Variants in RPIA observed in about 807,000 individuals in gnomAD.
The protein encoded by RPIA is ribose 5-phosphate isomerase A.
Under a neutral mutation model 37.8 loss-of-function variants are expected in RPIA, and 29 were observed. That is an observed-to-expected ratio of 0.77 (90% CI 0.57 to 1.05). The LOEUF (loss-of-function observed/expected upper bound fraction) is 1.05, where lower values mean the gene tolerates loss of function less well. Ranked by LOEUF, RPIA falls within the 50% of genes least tolerant of loss-of-function variation. RPIA has a pLI of 0.00. For missense variants in RPIA, 385 were observed against 413.6 expected (o/e 0.93, Z 0.60); for synonymous variants, 167 against 157.0 (o/e 1.06, Z -0.48).
At chr2:88,699,000 C>T (rs369168492) in intron 2 of RPIA, among the ~76,000 whole-genome samples, 33 of 152,310 alleles carry the variant, frequency 2.2e-4, no homozygotes, top group African/African-American at 7.7e-4. Flanking sequence ...ATTAGGGTGT[C>T]TCTATGCTTA....
chr2:88,713,700 T>C (rs1201910545), intron 3 of RPIA, among the ~76,000 whole-genome samples: 1 of 151,762 alleles, frequency 6.6e-6, no homozygotes. Flanking sequence ...CTTCCCTCTG[T>C]TTTTTCTGGT....
intron 8 of RPIA, among the ~76,000 whole-genome samples, chr2:88,746,843 G>A (rs1673443329): frequency 6.6e-6 from 1 of 152,194 alleles, no homozygotes; most frequent in Non-Finnish European, 1.5e-5. Flanking sequence ...TTGGAGCAGG[G>A]TTGTTCTGTT....
intron 3 of RPIA, among the ~76,000 whole-genome samples, chr2:88,721,544 TACACACACACACACAC>T (rs748522109): frequency 1.2e-5 from 1 of 82,932 alleles, no homozygotes; most frequent in Non-Finnish European, 2.3e-5. Flanking sequence ...ATATATATTA[TACACACACACACACAC>T]ACACACACAC....
intron 8 of RPIA, among the ~76,000 whole-genome samples, chr2:88,742,084 T>A (rs190525798): frequency 2.6e-5 from 4 of 152,342 alleles, no homozygotes; most frequent in Admixed American, 1.3e-4. Flanking sequence ...TATCTTTGTT[T>A]TTGTTCCATT....
At chr2:88,696,414 A>G (rs976641652) in intron 1 of RPIA, among the ~76,000 whole-genome samples, 1 of 151,882 alleles carries the variant, frequency 6.6e-6, no homozygotes, top group African/African-American at 2.4e-5. Flanking sequence ...GCATGGTGGC[A>G]TGTTCCCATA....
intron 8 of RPIA, among the ~76,000 whole-genome samples, chr2:88,745,253 G>C (rs540390265): frequency 5.1e-4 from 78 of 152,284 alleles, no homozygotes; most frequent in African/African-American, 1.8e-3. Context: ...CTTTTAAGTA[G>C]AGCATTTAGG....
intron 4 of RPIA, among the ~76,000 whole-genome samples, chr2:88,734,214 A>G (rs1673287069): frequency 6.6e-6 from 1 of 152,046 alleles, no homozygotes; most frequent in South Asian, 2.1e-4. Context: ...ACCAAAAACT[A>G]ATTTTTGCCT....
intron 3 of RPIA, among the ~76,000 whole-genome samples, chr2:88,701,030 C>T (rs1404656202): frequency 6.6e-6 from 1 of 152,152 alleles, no homozygotes; most frequent in Non-Finnish European, 1.5e-5. Context: ...TGGCAGCCTG[C>T]AACCAGCTCT....
At chr2:88,706,755 A>G (rs532106028) in intron 3 of RPIA, among the ~76,000 whole-genome samples, 2 of 152,290 alleles carry the variant, frequency 1.3e-5, no homozygotes, top group Non-Finnish European at 2.9e-5. Context: ...AGGATTCCAA[A>G]CATTTTGGGG....
chr2:88,739,921 T>C (rs1673362763), intron 8 of RPIA, among the ~76,000 whole-genome samples: 1 of 152,172 alleles, frequency 6.6e-6, no homozygotes, highest in Admixed American at 6.5e-5. Context: ...AATTCTACTT[T>C]AGTTTGTTAT....
intron 1 of RPIA, among the ~76,000 whole-genome samples, chr2:88,697,074 A>G (rs1331229483): frequency 6.6e-6 from 1 of 152,252 alleles, no homozygotes; most frequent in African/African-American, 2.4e-5. Context: ...CATTTCAATG[A>G]ACAAAACTTA....
intron 8 of RPIA, among the ~76,000 whole-genome samples, chr2:88,746,152 A>G (rs1019954923): frequency 6.6e-6 from 1 of 151,800 alleles, no homozygotes; most frequent in Non-Finnish European, 1.5e-5. Flanking sequence ...TTTCTTTATG[A>G]TATCTGTTTC....
chr2:88,703,282 TAGAG>T (rs1331540742), intron 3 of RPIA, among the ~76,000 whole-genome samples: 1 of 152,198 alleles, frequency 6.6e-6, no homozygotes, highest in Non-Finnish European at 1.5e-5. Context: ...AGTGCCCCAG[TAGAG>T]ACTCTGTGCA....
chr2:88,736,436 C>CCTT lies in RPIA; in HGVS notation c.597-97_597-95dup, dbSNP rs1253279212. The CCTT allele has an allele frequency of 3.8e-6, 5 of 1,320,172 alleles. No individual in the cohort carries two copies. In the Admixed American group the frequency reaches 9.0e-5, roughly 24 times the overall value. 81.8% of individuals were successfully genotyped at this position (1,320,172 alleles called of 1,614,324 possible). On this transcript the variant is annotated intron_variant, in intron 6 of 8. Transcript: ENST00000283646. ...ATATTGCCCTTGATCACTTTCCTTG[C>CCTT]CTTCCCACCATCTCATTAACCCTGT... is the stretch of plus-strand genomic sequence containing the variant.
At chr2:88,737,101 G>C (rs1351518340) in intron 7 of RPIA, among the ~76,000 whole-genome samples, 1 of 152,166 alleles carries the variant, frequency 6.6e-6, no homozygotes, top group African/African-American at 2.4e-5. Flanking sequence ...GTGGTTAAAT[G>C]TGACAAGAAG....
chr2:88,729,046 C>T (rs140700335), intron 3 of RPIA, among the ~76,000 whole-genome samples: 6 of 152,318 alleles, frequency 3.9e-5, no homozygotes, highest in South Asian at 4.1e-4. Context: ...CTCTTAGCTT[C>T]GCATTGGAAC....
chr2:88,745,980 G>T (rs1324325144), intron 8 of RPIA, among the ~76,000 whole-genome samples: 2 of 151,788 alleles, frequency 1.3e-5, no homozygotes, highest in African/African-American at 4.8e-5. Context: ...TCATTTTTTT[G>T]ATTCTTTTTT....
intron 3 of RPIA, among the ~76,000 whole-genome samples, chr2:88,712,970 G>C (rs1672977596): frequency 6.6e-6 from 1 of 151,614 alleles, no homozygotes; most frequent in African/African-American, 2.4e-5. Context: ...CCGTGTTCAA[G>C]TGATTCTCCT....
chr2:88,726,036 C>G (rs541110879), intron 3 of RPIA, among the ~76,000 whole-genome samples: 101 of 152,250 alleles, frequency 6.6e-4, no homozygotes, highest in African/African-American at 2.3e-3. Context: ...TACAGATGCT[C>G]CCCTTGTGTT....
Sources: allele counts gnomAD v4.1 joint callset (sites outside exome capture counted in the v4.1 genomes callset), GRCh38; gene constraint gnomAD v4.1.1; transcripts MANE v1.5; gene names NCBI Gene and HGNC (gene_info 2026-07-23, HGNC 2026-07-21).